USHBP1: variants seen among roughly 807,000 people sequenced by gnomAD.
The protein encoded by USHBP1 is USH1 protein network component harmonin binding protein 1, also known as harmonin-binding protein USHBP1.
In USHBP1, 67 loss-of-function variants were observed where a neutral mutation model predicts 76.2. The ratio of observed to expected loss-of-function variants is 0.88; its 90% confidence interval spans 0.72 to 1.08. The LOEUF (loss-of-function observed/expected upper bound fraction) is 1.08. USHBP1 is among the 50% of genes least tolerant of loss of function. The probability of loss-of-function intolerance (pLI) is 0.00; values close to 1 mark genes in which losing one functional copy is unlikely to be tolerated. For synonymous variants in USHBP1, 322 were observed against 362.2 expected, an observed-to-expected ratio of 0.89 and a Z score of 1.26; for missense variants, 931 against 915.0, an observed-to-expected ratio of 1.02 and a Z score of -0.23.
Position 17,250,338 on chromosome 19 carries a change from G to A in USHBP1, c.1999C>T (p.Leu667Phe). The A allele has an allele frequency of 6.2e-7, 1 of 1,613,798 alleles. No homozygotes were observed. Among genetic ancestry groups the A allele is most frequent in the Non-Finnish European group, 8.5e-7 (1 of 1,179,948 alleles). Residue 667 changes from leucine to phenylalanine, a missense_variant, in exon 13 of 13, where the codon CTC becomes TTC. Leu to Phe is a conservative substitution (Grantham distance 22). Coordinates refer to ENST00000252597, the MANE Select transcript of USHBP1 (RefSeq NM_031941.4). ...QRRKLEQQMA[L>F]MEAQQAEEVA... ...TCCTCGGCCTGCTGAGCCTCCATGA[G>A]TGCCATCTGCTGCTCCAACTTCCGG...
At position 17,250,062 on chromosome 19, in the gene USHBP1, TG is replaced by T; in HGVS notation, c.*162del. ...GACACCTGAGTCTTTCTTCATTGCC[TG>T]GCCACACCCCATCAGGCCCTGGACA... On this transcript the variant is annotated 3_prime_UTR_variant, in exon 13 of 13. Transcript: ENST00000252597. 1.4e-6 allele frequency: 1 copy of T among 731,798 alleles called. No individual in the cohort carries two copies. The highest frequency in any genetic ancestry group is 2.2e-6 in the Non-Finnish European group (1 of 463,536). 45.3% of individuals were successfully genotyped at this position (731,798 alleles called of 1,614,324 possible). A position where few individuals can be genotyped will look rare whatever the true frequency, so the allele number is the denominator to read the frequency against.
chr19:17,260,453 C>T (rs903600097), intron 4 of USHBP1, among the ~76,000 whole-genome samples: 10 of 152,136 alleles, frequency 6.6e-5, no homozygotes, highest in African/African-American at 2.4e-4. Flanking sequence ...CTTCAGCCTC[C>T]CGAGTAGCTG....
Position 17,256,483 on chromosome 19 carries a change from C to G in USHBP1, c.1458G>C (p.Leu486=). 1 of 1,613,608 alleles carries G rather than the reference C, an allele frequency of 6.2e-7. No individual in the cohort carries two copies. Among genetic ancestry groups the G allele is most frequent in the Non-Finnish European group, 8.5e-7 (1 of 1,180,004 alleles). Reference sequence around the variant, plus strand: ...AGCCCATTTGTACCCTTGCGGCCACCAGGTCCTGCTGAATTTGTGTCTTCT... The same window carrying G: ...AGCCCATTTGTACCCTTGCGGCCACGAGGTCCTGCTGAATTTGTGTCTTCT... ...RLEKTQIQQD[L]VAAREALADL... Residue 486 remains leucine (L), a synonymous_variant, in exon 9 of 13, where the codon CTG becomes CTC. Transcript: ENST00000252597.
At chr19:17,252,922 T>C (rs2073570049) in intron 10 of USHBP1, among the ~76,000 whole-genome samples, 1 of 151,674 alleles carries the variant, frequency 6.6e-6, no homozygotes, top group African/African-American at 2.4e-5. Flanking sequence ...AAACAAAAAC[T>C]AGAGATCCAC....
In USHBP1 at chr19:17,258,207, G is replaced by A. The variant is rs758145120; in HGVS notation, c.1220+5C>T. ...AGGCCAGTTCCCAGGGTTCCAGGGG[G>A]GTACCTTGGCTGTGGATTCTGCTGT... is the stretch of plus-strand genomic sequence containing the variant. On this transcript the variant is annotated splice_donor_5th_base_variant and intron_variant, in intron 8 of 12. Coordinates refer to ENST00000252597, the MANE Select transcript of USHBP1 (RefSeq NM_031941.4). 15 of 1,613,354 alleles carry A rather than the reference G, an allele frequency of 9.3e-6. No individual in the cohort carries two copies. The South Asian group carries it at 1.5e-4, about 17-fold the overall frequency.
chr19:17,258,156 C>G, intron 8 of USHBP1, 56 bp downstream of exon 8: 4 of 1,607,014 alleles, frequency 2.5e-6, no homozygotes, highest in East Asian at 2.2e-5. Flanking sequence ...AGCCCCATCC[C>G]CCAGTCAAGA....
chr19:17,254,817 G>C (rs903999235), intron 10 of USHBP1, among the ~76,000 whole-genome samples: 7 of 152,014 alleles, frequency 4.6e-5, no homozygotes, highest in African/African-American at 7.2e-5. Flanking sequence ...TAAATAACAG[G>C]AAACCGCATC....
At chr19:17,264,572 C>A in intron 1 of USHBP1, 99 bp downstream of exon 1, 1 of 502,366 alleles carries the variant, frequency 2.0e-6, no homozygotes, top group Non-Finnish European at 3.5e-6. Context: ...TTCACTACGT[C>A]TTTGTCCACT....
intron 3 of USHBP1, 171 bp downstream of exon 3, chr19:17,263,831 A>G (rs1476057429): frequency 3.4e-6 from 3 of 870,018 alleles, no homozygotes; most frequent in East Asian, 5.6e-5. Flanking sequence ...GTGCCACTGC[A>G]CTGCACTACA....
chr19:17,249,237 C>T lies in USHBP1; in HGVS notation c.*988G>A, dbSNP rs369906324. On this transcript the variant is annotated 3_prime_UTR_variant, in exon 13 of 13. Coordinates refer to ENST00000252597, the MANE Select transcript of USHBP1 (RefSeq NM_031941.4). ...GAGTTTTGCTCTTATTGCCCGGGCA[C>T]GATCTTGTTGTTGGCGCGATCTCGG... 15 of 152,130 alleles carry T rather than the reference C, an allele frequency of 9.9e-5. No homozygotes were observed. The East Asian group carries it at 1.4e-3, about 14-fold the overall frequency. 9.4% of individuals were successfully genotyped at this position (152,130 alleles called of 1,614,324 possible).
chr19:17,254,486 TCTA>T (rs1191581264), intron 10 of USHBP1, among the ~76,000 whole-genome samples: 1 of 144,280 alleles, frequency 6.9e-6, no homozygotes, highest in East Asian at 2.1e-4. Context: ...GGAAACCTCA[TCTA>T]CACTAAAAAT....
chr19:17,255,785 G>A (rs1309361253), intron 9 of USHBP1, among the ~76,000 whole-genome samples, 179 bp from the exon 10 acceptor site: 1 of 152,190 alleles, frequency 6.6e-6, no homozygotes, highest in African/African-American at 2.4e-5. Context: ...TGGATTACCT[G>A]AGGTCAGGAG....
At position 17,251,943 on chromosome 19, in the gene USHBP1, C is replaced by G. The variant is rs912966710; in HGVS notation, c.1767G>C (p.Lys589Asn). The G allele has an allele frequency of 3.9e-6, 6 of 1,547,716 alleles. No individual in the cohort carries two copies. The highest frequency in any genetic ancestry group is 5.2e-6 in the Non-Finnish European group (6 of 1,147,012). ...GQVGRAWDPEKLAQELAASLT... is the reference protein window; with the variant it reads ...GQVGRAWDPENLAQELAASLT... ...GCGATGCTGCCAGTTCCTGGGCTAA[C>G]TTCTCTGGGTCCCAGGCTCTGCCCA... Residue 589 changes from lysine (K) to asparagine (N), a missense_variant, in exon 11 of 13, where the codon AAG becomes AAC. Physicochemically the swap from Lys to Asn is moderately conservative, Grantham distance 94 (BLOSUM62 0). Transcript: ENST00000252597.
At chr19:17,261,070 C>T (rs1365622251) in intron 4 of USHBP1, among the ~76,000 whole-genome samples, 2 of 152,164 alleles carry the variant, frequency 1.3e-5, no homozygotes, top group African/African-American at 4.8e-5. Context: ...CTGCGTCGAG[C>T]ATGCCCCTCC....
chr19:17,255,240 C>T (rs866990104), intron 10 of USHBP1, 145 bp downstream of exon 10: 14 of 899,296 alleles, frequency 1.6e-5, no homozygotes, highest in Middle Eastern at 2.8e-4. Flanking sequence ...TGTGGTGAGC[C>T]GAGATTGCAA....
intron 10 of USHBP1, among the ~76,000 whole-genome samples, chr19:17,254,996 G>C (rs1174557013): frequency 6.6e-6 from 1 of 152,064 alleles, no homozygotes; most frequent in Non-Finnish European, 1.5e-5. Flanking sequence ...CTGCATTAAG[G>C]ACAGGTGCGG....
At position 17,249,198 on chromosome 19, in the gene USHBP1, T is replaced by C. The variant is rs2073522491; in HGVS notation, c.*1027A>G. 1 of 152,166 alleles carries C rather than the reference T, an allele frequency of 6.6e-6. No individual in the cohort carries two copies. Among genetic ancestry groups the C allele is most frequent in the South Asian group, 2.1e-4 (1 of 4,826 alleles). 9.4% of individuals were successfully genotyped at this position (152,166 alleles called of 1,614,324 possible). A position where few individuals can be genotyped will look rare whatever the true frequency, so the allele number is the denominator to read the frequency against. ...TTTGTTTTGTTTTGTGTTTTATTTATTTATTTAGAGACAGAGTTTTGCTCT... is the reference window on the plus strand; with the variant it reads ...TTTGTTTTGTTTTGTGTTTTATTTACTTATTTAGAGACAGAGTTTTGCTCT... On this transcript the variant is annotated 3_prime_UTR_variant, in exon 13 of 13. Coordinates refer to ENST00000252597, the MANE Select transcript of USHBP1 (RefSeq NM_031941.4).
rs371341185 is a variant in USHBP1, at chr19:17,262,682, C to A, written c.512G>T (p.Arg171Leu). ...GKQEGAGSCQ[R>L]EAARLAERNA... ...CCTCTCGGCCAGGCGAGCTGCCTCT[C>A]GCTGGCAGCTCCCTGCCCCTTCCTG... The change falls in exon 4 of 13, where the codon CGA (arginine) becomes CTA (leucine). Residue 171 changes from arginine (R) to leucine (L), a missense_variant. By Grantham distance (102) the Arg-to-Leu change is moderately radical. Coordinates refer to ENST00000252597, the MANE Select transcript of USHBP1 (RefSeq NM_031941.4). 3.7e-6 allele frequency: 6 copies of A among 1,614,026 alleles called. No homozygotes were observed. The African/African-American group carries it at 6.7e-5, about 18-fold the overall frequency.
chr19:17,259,484 C>A (rs558458154), intron 6 of USHBP1, 55 bp from the exon 7 acceptor site: 6 of 1,610,014 alleles, frequency 3.7e-6, no homozygotes, highest in Non-Finnish European at 5.1e-6. Context: ...GGCAGTCAGG[C>A]CTCAATTTCC....
Sources: gnomAD v4.1 joint callset for allele counts (sites outside exome capture counted in the v4.1 genomes callset) on GRCh38, gnomAD v4.1.1 for gene constraint, MANE v1.5 for transcripts, NCBI Gene and HGNC (gene_info 2026-07-23, HGNC 2026-07-21) for gene names.